LAMA2: variants seen among roughly 807,000 people sequenced by gnomAD.
The protein encoded by LAMA2 is laminin subunit alpha-2.
A neutral mutation model predicts 364.8 loss-of-function variants in LAMA2; 269 were observed. The ratio of observed to expected loss-of-function variants is 0.74; its 90% CI spans 0.67 to 0.82. The LOEUF (loss-of-function observed/expected upper bound fraction) is 0.82. Ranked by LOEUF, LAMA2 falls within the 40% of genes least tolerant of loss-of-function variation. The probability of loss-of-function intolerance (pLI) is 0.00; values close to 1 mark genes in which losing one functional copy is unlikely to be tolerated. For synonymous variants in LAMA2, 1,379 were observed against 1,370.6 expected, an observed-to-expected ratio of 1.01 and a Z score of -0.14; for missense variants, 3,807 against 3,873.2, an observed-to-expected ratio of 0.98 and a Z score of 0.45.
chr6:129,372,244 G>A (rs1006503853), intron 34 of LAMA2, among the ~76,000 whole-genome samples: 2 of 152,066 alleles, frequency 1.3e-5, no homozygotes, highest in Non-Finnish European at 1.5e-5. Context: ...TGTGTCCACC[G>A]TTGTTGTAAA....
intron 10 of LAMA2, among the ~76,000 whole-genome samples, chr6:129,185,868 A>G (rs919049759): frequency 4.6e-5 from 7 of 151,848 alleles, no homozygotes; most frequent in African/African-American, 1.7e-4. Flanking sequence ...AATGGTATAG[A>G]AATAGCAAAA....
At chr6:129,477,209 A>G (rs1318527405) in intron 53 of LAMA2, among the ~76,000 whole-genome samples, 1 of 152,224 alleles carries the variant, frequency 6.6e-6, no homozygotes, top group Non-Finnish European at 1.5e-5. Context: ...AAATCAAATT[A>G]AATAACAATA....
chr6:128,943,957 T>TTTCAA (rs1780336286), intron 1 of LAMA2, among the ~76,000 whole-genome samples: 1 of 152,230 alleles, frequency 6.6e-6, no homozygotes, highest in Non-Finnish European at 1.5e-5. Flanking sequence ...TTTCATCGGT[T>TTTCAA]AGAGTGATAC....
chr6:128,932,827 G>T (rs1352951382), intron 1 of LAMA2, among the ~76,000 whole-genome samples: 1 of 152,128 alleles, frequency 6.6e-6, no homozygotes, highest in African/African-American at 2.4e-5. Context: ...TTATCACTTT[G>T]TGTGTGCGTG....
At chr6:129,269,644 A>G (rs1787782264) in intron 16 of LAMA2, among the ~76,000 whole-genome samples, 1 of 152,132 alleles carries the variant, frequency 6.6e-6, no homozygotes. Flanking sequence ...GTATTTGAAG[A>G]CATAATTTTA....
At chr6:129,419,431 C>A (rs1048428787) in intron 40 of LAMA2, among the ~76,000 whole-genome samples, 1 of 151,996 alleles carries the variant, frequency 6.6e-6, no homozygotes, top group Admixed American at 6.6e-5. Context: ...TAATAGACAC[C>A]TCTCCATTAC....
At chr6:129,407,257 A>C (rs1320460744) in intron 40 of LAMA2, among the ~76,000 whole-genome samples, 1 of 152,142 alleles carries the variant, frequency 6.6e-6, no homozygotes, top group Non-Finnish European at 1.5e-5. Flanking sequence ...CTGATACTCA[A>C]TATTAGTCAT....
At chr6:129,441,046 T>C (rs777609903) in intron 43 of LAMA2, 48 bp downstream of exon 43, 3 of 1,507,560 alleles carry the variant, frequency 2.0e-6, no homozygotes, top group South Asian at 2.3e-5. Context: ...TTCCTCTCAC[T>C]GTAAAAGTAT....
Position 129,328,339 on chromosome 6 carries a change from C to A in LAMA2, c.4238C>A (p.Thr1413Asn). 1 of 1,614,220 alleles carries A rather than the reference C, an allele frequency of 6.2e-7. No homozygotes were observed. Among genetic ancestry groups the A allele is most frequent in the Non-Finnish European group, 8.5e-7 (1 of 1,180,030 alleles). ...SQPGGRTPGPTLGTCVPCQCN... is the reference protein window; with the variant it reads ...SQPGGRTPGPNLGTCVPCQCN... ...CCAGGTGGCCGCACCCCTGGACCAA[C>A]CCTGGGCACCTGTGTTCCATGTCAA... Residue 1413 changes from threonine (T) to asparagine (N), a missense_variant, in exon 29 of 65, where the codon ACC (threonine) becomes AAC (asparagine). By Grantham distance (65) the Thr-to-Asn change is moderately conservative (BLOSUM62 0). Transcript: ENST00000421865.
In LAMA2 at chr6:129,340,005, A is replaced by T. The variant is rs530364753; in HGVS notation, c.4312-2338A>T. 8.6e-5 allele frequency among the ~76,000 whole-genome samples: 13 copies of T among 151,992 alleles called. No homozygotes were observed. In the South Asian group the frequency reaches 2.1e-3, roughly 24 times the overall value. The stretch of plus-strand genomic sequence containing the variant: ...CTACAGAGCGAGACTGTCTCAAAAA[A>T]AAAAAAAAGAAAGAAAGAAAAAGAA... On this transcript the variant is annotated intron_variant, in intron 29 of 64. Transcript: ENST00000421865.
intron 1 of LAMA2, among the ~76,000 whole-genome samples, chr6:128,953,598 TGTG>T (rs976449028): frequency 3.8e-5 from 3 of 78,044 alleles, no homozygotes; most frequent in African/African-American, 1.3e-4. Context: ...CCCATGGACT[TGTG>T]TGTGTGTGTG....
rs1021273921 is a variant in LAMA2, at chr6:129,059,840, A to G, written c.340A>G (p.Ser114Gly). ...DGKNTWWQSP[S>G]IKNGIEYHYV... is the part of the protein sequence containing the mutation. Reference sequence around the variant, plus strand: ...AAAGAACACTTGGTGGCAGAGTCCCAGTATTAAGAATGGAATCGAATACCA... The same window carrying G: ...AAAGAACACTTGGTGGCAGAGTCCCGGTATTAAGAATGGAATCGAATACCA... Residue 114 changes from serine (S) to glycine (G), a missense_variant, in exon 3 of 65, where the codon AGT becomes GGT. Physicochemically the swap from Ser to Gly is moderately conservative, Grantham distance 56. Coordinates refer to ENST00000421865, the MANE Select transcript of LAMA2 (RefSeq NM_000426.4). The G allele has an allele frequency of 3.7e-6, 6 of 1,610,532 alleles. No individual in the cohort carries two copies. The highest frequency in any genetic ancestry group is 1.6e-4 in the Middle Eastern group (1 of 6,078).
intron 29 of LAMA2, among the ~76,000 whole-genome samples, chr6:129,329,382 G>A (rs115152610): frequency 1.2e-3 from 178 of 151,110 alleles, no homozygotes; most frequent in African/African-American, 4.1e-3. Flanking sequence ...TTTTTCCCCT[G>A]AGATGCTGAC....
At chr6:129,199,584 AGAG>A (rs1782054647) in intron 12 of LAMA2, among the ~76,000 whole-genome samples, 1 of 152,140 alleles carries the variant, frequency 6.6e-6, no homozygotes, top group African/African-American at 2.4e-5. Flanking sequence ...TGTAAAATCA[AGAG>A]AATCTACAGA....
intron 12 of LAMA2, among the ~76,000 whole-genome samples, chr6:129,214,519 C>T (rs773432548): frequency 2.0e-5 from 3 of 152,118 alleles, no homozygotes; most frequent in Non-Finnish European, 2.9e-5. Flanking sequence ...TTTTCTAGTG[C>T]CATTTGTTGA....
chr6:129,467,413 C>A (rs892862768), intron 51 of LAMA2, among the ~76,000 whole-genome samples: 4 of 151,760 alleles, frequency 2.6e-5, no homozygotes, highest in African/African-American at 9.7e-5. Context: ...GTACAGTGTT[C>A]ACTGTGTGGG....
intron 29 of LAMA2, among the ~76,000 whole-genome samples, chr6:129,329,484 C>A (rs1775497780): frequency 6.6e-6 from 1 of 152,128 alleles, no homozygotes; most frequent in African/African-American, 2.4e-5. Flanking sequence ...GCCTCAGCCT[C>A]CTGAGTAGCT....
intron 4 of LAMA2, among the ~76,000 whole-genome samples, chr6:129,129,940 A>AT (rs1464008656): frequency 1.3e-5 from 2 of 150,556 alleles, no homozygotes; most frequent in South Asian, 2.1e-4. Context: ...AAAAAAAAAA[A>AT]AAATAACATA....
chr6:129,334,581 A>C (rs938808027), intron 29 of LAMA2, among the ~76,000 whole-genome samples: 1 of 152,230 alleles, frequency 6.6e-6, no homozygotes, highest in Non-Finnish European at 1.5e-5. Context: ...ATTCATGTCT[A>C]GCGCTATGCT....
Sources: allele counts gnomAD v4.1 joint callset (sites outside exome capture counted in the v4.1 genomes callset), GRCh38; gene constraint gnomAD v4.1.1; transcripts MANE v1.5; gene names NCBI Gene and HGNC (gene_info 2026-07-23, HGNC 2026-07-21).